Variants in MME observed in about 807,000 individuals in gnomAD.
MME encodes neprilysin.
A neutral mutation model predicts 113.2 loss-of-function variants in MME; 98 were observed. That is an observed-to-expected ratio of 0.87 (90% CI 0.74 to 1.02). The LOEUF (loss-of-function observed/expected upper bound fraction) is 1.02. Among genes scored for constraint, MME ranks in the 50% least tolerant of loss-of-function variants. MME has a pLI of 0.00. For synonymous variants in MME, 292 were observed against 300.6 expected, an observed-to-expected ratio of 0.97 and a Z score of 0.30; for missense variants, 836 against 896.0, an observed-to-expected ratio of 0.93 and a Z score of 0.86.
At chr3:155,060,960 C>T (rs924360831) in intron 1 of MME, among the ~76,000 whole-genome samples, 5 of 152,130 alleles carry the variant, frequency 3.3e-5, no homozygotes, top group African/African-American at 7.2e-5. Context: ...TAATTACCTT[C>T]GTAAGACCCC....
intron 1 of MME, among the ~76,000 whole-genome samples, chr3:155,060,142 A>T (rs1714084914): frequency 1.3e-5 from 2 of 152,232 alleles, no homozygotes; most frequent in South Asian, 4.1e-4. Flanking sequence ...CCTTTGGGAG[A>T]CTGGGAACAA....
intron 3 of MME, among the ~76,000 whole-genome samples, chr3:155,108,988 C>T (rs964353210): frequency 3.9e-5 from 6 of 152,182 alleles, no homozygotes; most frequent in African/African-American, 1.2e-4. Flanking sequence ...GTGGGGGTCC[C>T]GTGTAACTGG....
Position 155,144,416 on chromosome 3 carries a change from A to G in MME, c.1375A>G (p.Thr459Ala). The stretch of plus-strand genomic sequence containing the variant: ...TTTTATTCAGACTTTAGATGACCTC[A>G]CTTGGATGGATGCCGAGACAAAAAA... ...EVFIQTLDDL[T>A]WMDAETKKRA... is the part of the protein sequence containing the mutation. The change falls in exon 14 of 23, where the codon ACT (threonine) becomes GCT (alanine). Residue 459 changes from threonine to alanine, a missense_variant. Transcript: ENST00000360490. 1 of 1,613,226 alleles carries G rather than the reference A, an allele frequency of 6.2e-7. No individual in the cohort carries two copies. The highest frequency in any genetic ancestry group is 8.5e-7 in the Non-Finnish European group (1 of 1,179,392).
chr3:155,104,249 C>G (rs1014356784), intron 3 of MME, among the ~76,000 whole-genome samples: 1 of 152,086 alleles, frequency 6.6e-6, no homozygotes, highest in Non-Finnish European at 1.5e-5. Flanking sequence ...TCAGTCTTTT[C>G]ATGCTTCACA....
At chr3:155,064,613 T>C (rs189563191) in intron 1 of MME, among the ~76,000 whole-genome samples, 3 of 152,332 alleles carry the variant, frequency 2.0e-5, no homozygotes, top group African/African-American at 7.2e-5. Context: ...TTCTGAATAC[T>C]CTTTCACTCC....
intron 16 of MME, among the ~76,000 whole-genome samples, chr3:155,160,158 A>G (rs1722611453): frequency 6.6e-6 from 1 of 152,060 alleles, no homozygotes; most frequent in Admixed American, 6.6e-5. Context: ...CTCCATAAAA[A>G]TCCATGCAAA....
intron 7 of MME, among the ~76,000 whole-genome samples, chr3:155,118,094 T>G (rs13093231): frequency 6.6e-6 from 1 of 152,212 alleles, no homozygotes; most frequent in Non-Finnish European, 1.5e-5. Flanking sequence ...CCTTAACTGC[T>G]ATCTGGGTCT....
intron 1 of MME, among the ~76,000 whole-genome samples, chr3:155,024,654 G>A (rs916528474): frequency 6.6e-6 from 1 of 152,112 alleles, no homozygotes; most frequent in Non-Finnish European, 1.5e-5. Context: ...TTATCAACAT[G>A]TGTCTATTTT....
At chr3:155,042,441 T>C (rs1277598123) in intron 1 of MME, among the ~76,000 whole-genome samples, 1 of 152,152 alleles carries the variant, frequency 6.6e-6, no homozygotes, top group African/African-American at 2.4e-5. Flanking sequence ...GAGTTTCTTA[T>C]AGATCCATCA....
intron 1 of MME, among the ~76,000 whole-genome samples, chr3:155,070,952 C>A (rs1714530322): frequency 6.6e-6 from 1 of 152,092 alleles, no homozygotes; most frequent in Non-Finnish European, 1.5e-5. Flanking sequence ...TATTCAATAC[C>A]CTGCTCTCGC....
In MME at chr3:155,116,719, T is replaced by C. The variant is rs187940825; in HGVS notation, c.495T>C (p.Tyr165=). ...TACTCAAACTGTTACCAGACATATATGGGTGGCCAGTAGCAACAGAAAACT... is the reference window on the plus strand; with the variant it reads ...TACTCAAACTGTTACCAGACATATACGGGTGGCCAGTAGCAACAGAAAACT... ...EPLLKLLPDI[Y]GWPVATENWE... is the part of the protein sequence containing the mutation. The change falls in exon 6 of 23, where the codon TAT becomes TAC. Residue 165 remains tyrosine (Y), a synonymous_variant. Coordinates refer to ENST00000360490, the MANE Select transcript of MME (RefSeq NM_007289.4). 2.6e-5 allele frequency: 42 copies of C among 1,613,658 alleles called. 1 individual carries two copies. The East Asian group carries it at 8.5e-4, about 33-fold the overall frequency.
At chr3:155,076,075 T>C (rs1714737863), upstream of MME, among the ~76,000 whole-genome samples, 3 of 152,204 alleles carry the variant, frequency 2.0e-5, no homozygotes, top group Non-Finnish European at 1.5e-5. Context: ...GTGGGAAGTT[T>C]TTCAATTTTT....
intron 7 of MME, among the ~76,000 whole-genome samples, chr3:155,118,312 G>A (rs1329823549): frequency 6.6e-6 from 1 of 152,158 alleles, no homozygotes; most frequent in Non-Finnish European, 1.5e-5. Context: ...TCCCACCAAT[G>A]AAAGGGGATC....
At chr3:155,158,824 C>T (rs935312120) in intron 16 of MME, 3 of 151,948 alleles carry the variant, frequency 2.0e-5, no homozygotes, top group Non-Finnish European at 2.9e-5. Flanking sequence ...TACTAAAATA[C>T]TGATGACTCG....
chr3:155,084,176 G>A lies in MME; in HGVS notation c.9G>A (p.Lys3=), dbSNP rs1402314727. 6.2e-7 allele frequency: 1 copy of A among 1,614,018 alleles called. No homozygotes were observed. The highest frequency in any genetic ancestry group is 8.5e-7 in the Non-Finnish European group (1 of 1,179,928). The change falls in exon 2 of 23, where the codon AAG becomes AAA. Residue 3 remains lysine (K), a synonymous_variant. Coordinates refer to ENST00000360490, the MANE Select transcript of MME (RefSeq NM_007289.4). ...TTTGCAGATTTTAGGTGATGGGCAA[G>A]TCAGAAAGTCAGATGGATATAACTG... MG[K]SESQMDITDI...
intron 17 of MME, among the ~76,000 whole-genome samples, chr3:155,160,800 C>T (rs3736188): frequency 0.09 from 13,629 of 151,896 alleles, 800 homozygotes; most frequent in South Asian, 0.15. Context: ...ACTCATTAAG[C>T]ATTAGCTTCT....
chr3:155,057,480 C>G (rs186018574), intron 1 of MME, among the ~76,000 whole-genome samples: 6 of 151,980 alleles, frequency 3.9e-5, no homozygotes, highest in Non-Finnish European at 7.4e-5. Context: ...GAAATAGCAT[C>G]CTTTATACTA....
chr3:155,082,432 C>G (rs185720217), intron 1 of MME, among the ~76,000 whole-genome samples: 3 of 152,280 alleles, frequency 2.0e-5, no homozygotes, highest in African/African-American at 7.2e-5. Context: ...TTGTTTACCT[C>G]TCTGTAAAGT....
upstream of MME, among the ~76,000 whole-genome samples, chr3:155,079,083 A>C (rs1364462464): frequency 6.6e-6 from 1 of 152,070 alleles, no homozygotes; most frequent in East Asian, 1.9e-4. Context: ...GGAGAGTTTC[A>C]GTTCAGATCT....
Sources: gnomAD v4.1 joint callset for allele counts (sites outside exome capture counted in the v4.1 genomes callset) on GRCh38, gnomAD v4.1.1 for gene constraint, MANE v1.5 for transcripts, NCBI Gene and HGNC (gene_info 2026-07-23, HGNC 2026-07-21) for gene names.